LRFN5: variants seen among roughly 807,000 people sequenced by gnomAD.
The protein encoded by LRFN5 is leucine rich repeat and fibronectin type III domain containing 5.
Under a neutral mutation model 45.6 loss-of-function variants are expected in LRFN5, and 24 were observed. The observed-to-expected ratio is 0.53, with a 90% confidence interval of 0.38 to 0.74. The LOEUF (loss-of-function observed/expected upper bound fraction) is 0.74. Among genes scored for constraint, LRFN5 ranks in the 30% least tolerant of loss-of-function variants. LRFN5 has a pLI of 0.00. For missense variants in LRFN5, 776 were observed against 861.5 expected, an observed-to-expected ratio of 0.90 and a Z score of 1.24; for synonymous variants, 340 against 313.8, an observed-to-expected ratio of 1.08 and a Z score of -0.88.
chr14:41,755,282 C>A (rs537882931), intron 1 of LRFN5, among the ~76,000 whole-genome samples: 2 of 152,044 alleles, frequency 1.3e-5, no homozygotes, highest in African/African-American at 4.8e-5. Context: ...CTATTAGGTC[C>A]GCTTGGTGCA....
Position 41,853,330 on chromosome 14 carries a change from G to T in LRFN5, c.-20-33276G>T, listed in dbSNP as rs188831051. Among the ~76,000 whole-genome samples the T allele has an allele frequency of 6.1e-3, 926 of 152,054 alleles. 5 individuals carry two copies. The highest frequency in any genetic ancestry group is 0.022 in the African/African-American group (894 of 41,498). On this transcript the variant is annotated intron_variant, in intron 2 of 5. Transcript: ENST00000298119. ...GTGGAACATTGTTGTAGACAACAAA[G>T]ATACCAGGTAGTGGGAAATTAAGCA...
chr14:41,711,999 T>G (rs374713001), intron 1 of LRFN5, among the ~76,000 whole-genome samples: 4 of 152,158 alleles, frequency 2.6e-5, no homozygotes, highest in African/African-American at 9.7e-5. Context: ...AAAAATAATG[T>G]TGTAATTAAA....
Position 41,858,383 on chromosome 14 carries a change from C to A in LRFN5, c.-20-28223C>A, listed in dbSNP as rs531244628. Reference sequence around the variant, plus strand: ...ACGCATTCTCTCAAATGCCTATTTCCAGTAAAAAATTTCTCTGATTCTACC... The same window carrying A: ...ACGCATTCTCTCAAATGCCTATTTCAAGTAAAAAATTTCTCTGATTCTACC... On this transcript the variant is annotated intron_variant, in intron 2 of 5. Transcript: ENST00000298119. Among the ~76,000 whole-genome samples, 10 of 152,202 alleles carry A rather than the reference C, an allele frequency of 6.6e-5. No homozygotes were observed. The East Asian group carries it at 1.9e-3, about 30-fold the overall frequency.
chr14:41,848,264 C>G (rs1951874), intron 2 of LRFN5, among the ~76,000 whole-genome samples: 88,934 of 151,808 alleles, frequency 0.59, 26,217 homozygotes, highest in African/African-American at 0.64. Flanking sequence ...GAAAACCTGT[C>G]TTGGTATCGT....
At chr14:41,614,631 T>C (rs1396047851) in intron 1 of LRFN5, among the ~76,000 whole-genome samples, 3 of 152,070 alleles carry the variant, frequency 2.0e-5, no homozygotes, top group African/African-American at 7.2e-5. Flanking sequence ...GAAGTTGGTA[T>C]TGTGCAGTAG....
intron 2 of LRFN5, among the ~76,000 whole-genome samples, chr14:41,873,032 A>T (rs1890070680): frequency 6.6e-6 from 1 of 152,196 alleles, no homozygotes; most frequent in South Asian, 2.1e-4. Context: ...GAGTTGATGT[A>T]GCATTGTTCA....
intron 1 of LRFN5, among the ~76,000 whole-genome samples, chr14:41,697,872 T>C (rs1882682491): frequency 6.6e-6 from 1 of 151,992 alleles, no homozygotes; most frequent in African/African-American, 2.4e-5. Context: ...TAGTGAGTTA[T>C]TAAAATATTT....
intron 2 of LRFN5, among the ~76,000 whole-genome samples, chr14:41,787,874 A>C (rs2138935988): frequency 6.6e-6 from 1 of 152,050 alleles, no homozygotes; most frequent in South Asian, 2.1e-4. Flanking sequence ...TGATGTTTGG[A>C]CTTGTGCCTT....
chr14:41,809,615 T>A (rs1887671484), intron 2 of LRFN5, among the ~76,000 whole-genome samples: 1 of 151,798 alleles, frequency 6.6e-6, no homozygotes, highest in South Asian at 2.1e-4. Flanking sequence ...GGTAGCATTA[T>A]GTTTTATATT....
chr14:41,614,085 G>A (rs972925851), intron 1 of LRFN5, among the ~76,000 whole-genome samples: 1 of 151,984 alleles, frequency 6.6e-6, no homozygotes, highest in Non-Finnish European at 1.5e-5. Context: ...ATAGGATGTG[G>A]TACTTTTCTT....
intron 2 of LRFN5, among the ~76,000 whole-genome samples, chr14:41,884,148 A>G (rs1490124417): frequency 1.3e-5 from 2 of 152,090 alleles, no homozygotes. Context: ...GACTGTTCAT[A>G]CTTTGCCTTG....
intron 1 of LRFN5, among the ~76,000 whole-genome samples, chr14:41,663,983 T>C (rs1880778219): frequency 6.6e-6 from 1 of 151,996 alleles, no homozygotes; most frequent in African/African-American, 2.4e-5. Context: ...ACAGTATGAA[T>C]TGCAATGTTT....
rs1383724590 is a variant in LRFN5, at chr14:41,607,135, T to C, written c.-1624T>C. Among the ~76,000 whole-genome samples, 3 of 152,126 alleles carry C rather than the reference T, an allele frequency of 2.0e-5. No individual in the cohort carries two copies. Among genetic ancestry groups the C allele is most frequent in the Non-Finnish European group, 2.9e-5 (2 of 68,012 alleles). On this transcript the variant is annotated 5_prime_UTR_variant, in exon 1 of 6. The change abolishes an upstream ATG in the 5' untranslated region. Transcript: ENST00000298119. The stretch of plus-strand genomic sequence containing the variant: ...GCAGAGCTGCCCGAACGGAGGACTA[T>C]GTATGTGTGTGCGCGTGTTTGCGTG...
intron 1 of LRFN5, among the ~76,000 whole-genome samples, chr14:41,764,459 GACCATAT>G (rs1468845813): frequency 6.6e-6 from 1 of 152,060 alleles, no homozygotes; most frequent in African/African-American, 2.4e-5. Flanking sequence ...TTAGTAATGT[GACCATAT>G]AGACAATAAA....
At chr14:41,791,298 A>C (rs758385302) in intron 2 of LRFN5, among the ~76,000 whole-genome samples, 2 of 152,028 alleles carry the variant, frequency 1.3e-5, no homozygotes, top group Non-Finnish European at 2.9e-5. Flanking sequence ...GCAAGGTGAT[A>C]AAAGATCTGC....
intron 2 of LRFN5, among the ~76,000 whole-genome samples, chr14:41,818,337 A>C (rs1238589976): frequency 6.6e-6 from 1 of 151,900 alleles, no homozygotes; most frequent in East Asian, 1.9e-4. Flanking sequence ...TGATTTGTGA[A>C]TCAATTTAAA....
chr14:41,823,259 T>C (rs1288849297), intron 2 of LRFN5, among the ~76,000 whole-genome samples: 1 of 152,048 alleles, frequency 6.6e-6, no homozygotes, highest in Non-Finnish European at 1.5e-5. Context: ...TTTTTTTTTA[T>C]GACAGTGACT....
intron 1 of LRFN5, among the ~76,000 whole-genome samples, chr14:41,657,268 TG>T (rs1880423081): frequency 6.6e-6 from 1 of 151,926 alleles, no homozygotes; most frequent in Non-Finnish European, 1.5e-5. Flanking sequence ...TATAGGTAAG[TG>T]GGGCTATGTT....
intron 1 of LRFN5, among the ~76,000 whole-genome samples, chr14:41,653,092 A>T (rs1294658923): frequency 2.0e-5 from 3 of 151,950 alleles, no homozygotes; most frequent in Non-Finnish European, 4.4e-5. Flanking sequence ...CTTTGCAAAA[A>T]TTTTCTCCCA....
Sources: allele counts gnomAD v4.1 joint callset (sites outside exome capture counted in the v4.1 genomes callset), GRCh38; gene constraint gnomAD v4.1.1; transcripts MANE v1.5; gene names NCBI Gene and HGNC (gene_info 2026-07-23, HGNC 2026-07-21).